The following PARP12 variants were observed in gnomAD, a reference collection of about 807,000 sequenced individuals.
The protein encoded by PARP12 is protein mono-ADP-ribosyltransferase PARP12.
PARP12 carries 59 observed loss-of-function variants against 72.4 expected under a neutral mutation model. That is an observed-to-expected ratio of 0.81 (90% CI 0.66 to 1.01). The LOEUF is 1.01. Among genes scored for constraint, PARP12 ranks in the 50% least tolerant of loss-of-function variants. The probability of loss-of-function intolerance (pLI) is 0.00; values close to 1 mark genes in which losing one functional copy is unlikely to be tolerated. For missense variants in PARP12, 851 were observed against 914.0 expected (o/e 0.93, Z 0.89); for synonymous variants, 403 against 371.4 (o/e 1.09, Z -0.98).
rs745773482 is a variant in PARP12, at chr7:140,024,771, G to T, written c.1895C>A (p.Ala632Asp). 6.2e-6 allele frequency: 10 copies of T among 1,614,056 alleles called. No homozygotes were observed. The highest frequency in any genetic ancestry group is 3.3e-5 in the Admixed American group (2 of 60,006). Reference sequence around the variant, plus strand: ...CTTGGCCGGCGGACGGACAAAGGAGGCATTGCCCCTGACGAACTCGCCCAC... The same window carrying T: ...CTTGGCCGGCGGACGGACAAAGGAGTCATTGCCCCTGACGAACTCGCCCAC... ...VLVGEFVRGN[A>D]SFVRPPAKEG... is the part of the protein sequence containing the mutation. The change falls in exon 12 of 12, where the codon GCC (alanine) becomes GAC (aspartate). Residue 632 changes from alanine to aspartate, a missense_variant. Ala to Asp is a moderately radical substitution (Grantham distance 126). Transcript: ENST00000263549.
In PARP12 at chr7:140,062,712, G is replaced by C. The variant is rs766085966; in HGVS notation, c.136C>G (p.Arg46Gly). The C allele has an allele frequency of 6.7e-6, 9 of 1,334,298 alleles. No homozygotes were observed. The South Asian group carries it at 1.5e-4, about 23-fold the overall frequency. 82.7% of individuals were successfully genotyped at this position (1,334,298 alleles called of 1,614,324 possible). ...ADALERLLRQ[R>G]GRFVVAVRAG... Reference sequence around the variant, plus strand: ...CGCACCGCCACCACGAAGCGCCCACGCTGCCGCAGCAGCCGCTCCAGCGCG... The same window carrying C: ...CGCACCGCCACCACGAAGCGCCCACCCTGCCGCAGCAGCCGCTCCAGCGCG... The change falls in exon 1 of 12, where the codon CGT (arginine) becomes GGT (glycine). Residue 46 changes from arginine (R) to glycine (G), a missense_variant. Transcript: ENST00000263549.
Position 140,028,698 on chromosome 7 carries a change from T to C in PARP12, c.1422-10A>G, listed in dbSNP as rs372248026. 18 of 1,592,808 alleles carry C rather than the reference T, an allele frequency of 1.1e-5. No individual in the cohort carries two copies. In the African/African-American group the frequency reaches 1.3e-4, roughly 12 times the overall value. ...TGGAAACTTGGTATTGCTACAAAAA[T>C]GTAAACAAAAACACGTAGACATTTT... On this transcript the variant is annotated splice_polypyrimidine_tract_variant and intron_variant, in intron 8 of 11. Coordinates refer to ENST00000263549, the MANE Select transcript of PARP12 (RefSeq NM_022750.4).
At chr7:140,051,705 A>G (rs1329885687) in intron 4 of PARP12, among the ~76,000 whole-genome samples, 2 of 152,178 alleles carry the variant, frequency 1.3e-5, no homozygotes, top group African/African-American at 4.8e-5. Context: ...GATTTTTAAG[A>G]TTAGAAAACA....
chr7:140,037,621 C>T (rs35076815), intron 7 of PARP12, 94 bp downstream of exon 7: 75,523 of 1,540,066 alleles, frequency 0.049, 2,419 homozygotes, highest in South Asian at 0.13. Context: ...CCACCCAGGC[C>T]CTCAGTATGT....
At chr7:140,060,037 T>C (rs1817376538) in intron 1 of PARP12, among the ~76,000 whole-genome samples, 6 of 152,244 alleles carry the variant, frequency 3.9e-5, no homozygotes, top group Admixed American at 3.3e-4. Flanking sequence ...ATGGTAACAA[T>C]GATAATGACT....
chr7:140,031,673 T>C (rs1815943162), intron 8 of PARP12, among the ~76,000 whole-genome samples: 1 of 152,190 alleles, frequency 6.6e-6, no homozygotes, highest in Admixed American at 6.5e-5. Flanking sequence ...CATATCTTAG[T>C]CTGAATCACT....
chr7:140,035,941 GGAGGAGGAGGAC>G (rs1569526867), intron 7 of PARP12, among the ~76,000 whole-genome samples: 2 of 107,246 alleles, frequency 1.9e-5, no homozygotes, highest in African/African-American at 9.5e-5. Context: ...AGGAGGAGGA[GGAGGAGGAGGAC>G]GAGGAGGAGG....
chr7:140,054,605 G>A, intron 4 of PARP12, 57 bp downstream of exon 4: 1 of 1,384,992 alleles, frequency 7.2e-7, no homozygotes, highest in East Asian at 2.3e-5. Context: ...ACAGCTCTGG[G>A]AATGACAAGC....
intron 5 of PARP12, among the ~76,000 whole-genome samples, chr7:140,044,430 T>C (rs923269964): frequency 3.9e-5 from 6 of 152,068 alleles, no homozygotes; most frequent in Non-Finnish European, 8.8e-5. Flanking sequence ...GAGGCTGAGA[T>C]TGGAGTGACG....
chr7:140,040,683 A>AT (rs1017635586), intron 6 of PARP12, among the ~76,000 whole-genome samples: 1 of 152,346 alleles, frequency 6.6e-6, no homozygotes, highest in African/African-American at 2.4e-5. Flanking sequence ...TAAAGCTTCA[A>AT]TATAGCCTCT....
chr7:140,056,670 C>A (rs999607511), intron 3 of PARP12, among the ~76,000 whole-genome samples, 186 bp downstream of exon 3: 8 of 152,226 alleles, frequency 5.3e-5, no homozygotes, highest in African/African-American at 1.4e-4. Flanking sequence ...TCTATGATTT[C>A]AACTTATCCT....
chr7:140,034,719 G>A (rs1816081836), intron 7 of PARP12: 1 of 169,368 alleles, frequency 5.9e-6, no homozygotes, highest in East Asian at 1.8e-4. Flanking sequence ...CAGAGTTAAT[G>A]TAAGTTTTAT....
In PARP12 at chr7:140,037,829, T is replaced by C; in HGVS notation, c.1210A>G (p.Ser404Gly). 1.2e-6 allele frequency: 2 copies of C among 1,613,242 alleles called. No homozygotes were observed. Among genetic ancestry groups the C allele is most frequent in the Non-Finnish European group, 1.7e-6 (2 of 1,179,212 alleles). Residue 404 changes from serine (S) to glycine (G), a missense_variant, in exon 7 of 12, where the codon AGC (serine) becomes GGC (glycine). Around this residue, in one of 3 missense-constraint regions of PARP12, gnomAD observed 347 missense variants for 396.1 expected, o/e 0.88. Transcript: ENST00000263549. ...TAGGCCTTCTCCACGTCGCTACTGC[T>C]GACAGTGGTCACAGGGTGCACCGTG... ...QGTVHPVTTVSSSDVEKAYLA... is the reference protein window; with the variant it reads ...QGTVHPVTTVGSSDVEKAYLA...
intron 4 of PARP12, among the ~76,000 whole-genome samples, chr7:140,054,393 C>G (rs984310296): frequency 7.2e-5 from 11 of 152,260 alleles, no homozygotes; most frequent in African/African-American, 1.4e-4. Context: ...CTAAGCTGAC[C>G]AAGGCTCAAT....
rs1815672385 is a variant in PARP12, at chr7:140,024,853, G to A, written c.1813C>T (p.His605Tyr). 6.2e-7 allele frequency: 1 copy of A among 1,613,930 alleles called. No individual in the cohort carries two copies. Among genetic ancestry groups the A allele is most frequent in the African/African-American group, 1.3e-5 (1 of 75,046 alleles). ...TGCGTGTCGGATTTGCTGTAGTGGT[G>A]GGAATATGCAGCATCTCGGGCAAAG... is the stretch of plus-strand genomic sequence containing the variant. Reference protein sequence around the residue: ...SYFARDAAYSHHYSKSDTQTH... With the variant: ...SYFARDAAYSYHYSKSDTQTH... Residue 605 changes from histidine (H) to tyrosine (Y), a missense_variant, in exon 12 of 12, where the codon CAC becomes TAC. Physicochemically the swap from His to Tyr is moderately conservative, Grantham distance 83. This residue lies in a region of PARP12 where 347 missense variants were observed against 396.1 expected (regional missense o/e 0.88). Coordinates refer to ENST00000263549, the MANE Select transcript of PARP12 (RefSeq NM_022750.4).
chr7:140,032,454 G>A (rs890029699), intron 8 of PARP12, among the ~76,000 whole-genome samples: 1 of 151,982 alleles, frequency 6.6e-6, no homozygotes, highest in African/African-American at 2.4e-5. Flanking sequence ...TGGGATTATA[G>A]GTGTGCACCA....
chr7:140,056,378 T>C (rs13221973), intron 3 of PARP12, among the ~76,000 whole-genome samples: 8,363 of 152,302 alleles, frequency 0.055, 288 homozygotes, highest in South Asian at 0.12. Flanking sequence ...ACTCTACTTA[T>C]TGATGTCAGG....
chr7:140,031,821 G>C (rs921973582), intron 8 of PARP12, among the ~76,000 whole-genome samples: 1 of 152,130 alleles, frequency 6.6e-6, no homozygotes, highest in African/African-American at 2.4e-5. Flanking sequence ...AATAAAAAAT[G>C]ACTTCCAGAA....
chr7:140,057,268 C>T lies in PARP12; in HGVS notation c.463-115G>A. The T allele has an allele frequency of 6.2e-6, 6 of 969,208 alleles. No individual in the cohort carries two copies. The South Asian group carries it at 9.5e-5, about 15-fold the overall frequency. The allele number at this position is 969,208 out of a possible 1,614,324, so 60.0% of individuals were successfully genotyped here. A position where few individuals can be genotyped will look rare whatever the true frequency, so the allele number is the denominator to read the frequency against. On this transcript the variant is annotated intron_variant, in intron 2 of 11. Coordinates refer to ENST00000263549, the MANE Select transcript of PARP12 (RefSeq NM_022750.4). ...CTTCACAAGCTGTGATTCCATCATC[C>T]ACACAGAACACAGCTATTACATCCC...
Sources: gnomAD v4.1 joint callset for allele counts (sites outside exome capture counted in the v4.1 genomes callset) on GRCh38, gnomAD v4.1.1 for gene constraint, gnomAD v4.1.1 regional missense constraint, MANE v1.5 for transcripts, NCBI Gene and HGNC (gene_info 2026-07-23, HGNC 2026-07-21) for gene names.